MTCL1: variants seen among roughly 807,000 people sequenced by gnomAD.
MTCL1 encodes the protein microtubule crosslinking factor 1.
Under a neutral mutation model 141.4 loss-of-function variants are expected in MTCL1, and 79 were observed. The ratio of observed to expected loss-of-function variants is 0.56; its 90% confidence interval spans 0.47 to 0.67. The LOEUF (loss-of-function observed/expected upper bound fraction) is 0.67. MTCL1 is among the 30% of genes least tolerant of loss of function. MTCL1 has a pLI of 0.00. For synonymous variants in MTCL1, 914 were observed against 875.8 expected (o/e 1.04, Z -0.77); for missense variants, 2,177 against 2,113.9 (o/e 1.03, Z -0.59).
At chr18:8,731,537 G>A (rs528658676) in intron 4 of MTCL1, among the ~76,000 whole-genome samples, 90 of 152,126 alleles carry the variant, frequency 5.9e-4, no homozygotes, top group Non-Finnish European at 1.1e-3. Flanking sequence ...TCGCGTCATC[G>A]CACTCCAGCC....
intron 10 of MTCL1, among the ~76,000 whole-genome samples, chr18:8,806,686 G>A (rs1282237789): frequency 2.6e-5 from 4 of 152,128 alleles, no homozygotes; most frequent in African/African-American, 9.7e-5. Context: ...CAGGCCCTCA[G>A]TCTCAGGCCC....
intron 16 of MTCL1, chr18:8,829,114 G>T: frequency 7.2e-7 from 1 of 1,382,046 alleles, no homozygotes. Flanking sequence ...CCTAAACCCA[G>T]GAACAGATTG....
At chr18:8,757,330 A>G (rs1326911016) in intron 4 of MTCL1, among the ~76,000 whole-genome samples, 1 of 152,200 alleles carries the variant, frequency 6.6e-6, no homozygotes, top group Non-Finnish European at 1.5e-5. Context: ...CTGGAAACAT[A>G]GGAAACCTCT....
chr18:8,766,269 A>G (rs917869627), intron 4 of MTCL1, among the ~76,000 whole-genome samples: 4 of 152,164 alleles, frequency 2.6e-5, no homozygotes, highest in Non-Finnish European at 5.9e-5. Flanking sequence ...GGCCTCCTCC[A>G]TCATCCTCCA....
intron 15 of MTCL1, among the ~76,000 whole-genome samples, chr18:8,827,205 G>C (rs2077055061): frequency 1.3e-5 from 2 of 152,256 alleles, no homozygotes; most frequent in African/African-American, 4.8e-5. Context: ...GCTTGCTCCT[G>C]GTCTGCCCGC....
chr18:8,832,531 G>GT (rs570595549), exon 17 of MTCL1: 2 of 152,418 alleles, frequency 1.3e-5, no homozygotes, highest in Non-Finnish European at 2.9e-5. Flanking sequence ...CTGTTCCACT[G>GT]TAATATGTTG....
chr18:8,722,680 G>A (rs1406992469), intron 4 of MTCL1, among the ~76,000 whole-genome samples: 1 of 152,178 alleles, frequency 6.6e-6, no homozygotes, highest in Non-Finnish European at 1.5e-5. Context: ...AGATGGAGGA[G>A]GAAGAGGAGG....
intron 6 of MTCL1, 44 bp from the exon 6 acceptor site, chr18:8,785,892 T>C (rs748922181): frequency 6.5e-7 from 1 of 1,527,662 alleles, no homozygotes. Flanking sequence ...TTGTTTAAAA[T>C]TTTAAAGAAC....
At chr18:8,786,114 C>A (rs1252164186) in intron 7 of MTCL1, 23 bp downstream of exon 6, 86 of 1,387,332 alleles carry the variant, frequency 6.2e-5, no homozygotes, top group South Asian at 3.4e-4. Context: ...AAGCAATCCC[C>A]CCCCCCCGCC....
intron 5 of MTCL1, among the ~76,000 whole-genome samples, chr18:8,781,154 C>T (rs1254389581): frequency 8.7e-6 from 1 of 114,394 alleles, no homozygotes; most frequent in Non-Finnish European, 1.6e-5. Flanking sequence ...AGCCAGAGTG[C>T]AGACTCCAGA....
rs996969939 is a variant in MTCL1 at position 8,830,528 on chromosome 18, G to A, written c.*19-1079G>A. The A allele has an allele frequency of 1.5e-5, 15 of 986,180 alleles. No individual in the cohort carries two copies. The highest frequency in any genetic ancestry group is 1.2e-4 in the Admixed American group (2 of 16,268). 61.1% of individuals were successfully genotyped at this position (986,180 alleles called of 1,614,324 possible). On this transcript the variant is annotated intron_variant, in intron 16 of 16. Transcript: ENST00000359865. This position sits in a 1 kb window ranked among gnomAD's most constrained non-coding sequence, Gnocchi z 6.4. The stretch of plus-strand genomic sequence containing the variant: ...CCGTGCAGCCGTCTGTCCTTCCCCC[G>A]CTGCTGCTCCCCTGCACCACTGGCT...
chr18:8,769,439 A>G (rs1480974700), intron 4 of MTCL1, among the ~76,000 whole-genome samples: 1 of 152,170 alleles, frequency 6.6e-6, no homozygotes, highest in Non-Finnish European at 1.5e-5. Context: ...TTTATTTTGC[A>G]ATGTTTGGTT....
intron 1 of MTCL1, among the ~76,000 whole-genome samples, chr18:8,708,585 A>G (rs912170177): frequency 7.2e-5 from 11 of 152,186 alleles, no homozygotes; most frequent in South Asian, 2.1e-4. Context: ...TGCCCATTTT[A>G]CTGCACCGGG....
At chr18:8,785,456 G>A (rs956467102) in intron 6 of MTCL1, among the ~76,000 whole-genome samples, 3 of 152,194 alleles carry the variant, frequency 2.0e-5, no homozygotes, top group Admixed American at 1.3e-4. Flanking sequence ...CCGCTGGGGA[G>A]GGCGCGGAGG....
intron 13 of MTCL1, among the ~76,000 whole-genome samples, chr18:8,819,545 A>T (rs1160301601): frequency 6.6e-6 from 1 of 152,226 alleles, no homozygotes; most frequent in Non-Finnish European, 1.5e-5. Flanking sequence ...TGTGTCCCAT[A>T]AAACACACAA....
rs1054270301 is a variant in MTCL1 at position 8,819,030 on chromosome 18, G to T, written c.2927G>T (p.Arg976Leu). ...TGTGATCAAAAAGACGGCAACGTTC[G>T]CCCCTTTCCCCACCAGGGAAGCCTC... The change falls in exon 13 of 17, where the codon CGC becomes CTC. Residue 976 changes from arginine (R) to leucine (L), a missense_variant. Arg to Leu is a moderately radical substitution (Grantham distance 102, BLOSUM62 -2). Coordinates refer to ENST00000359865, the Ensembl canonical transcript of MTCL1. 2.5e-6 allele frequency: 4 copies of T among 1,614,244 alleles called. No individual in the cohort carries two copies. In the Admixed American group the frequency reaches 5.0e-5, roughly 20 times the overall value.
intron 1 of MTCL1, among the ~76,000 whole-genome samples, chr18:8,708,985 A>G (rs1227902568): frequency 6.6e-6 from 1 of 152,188 alleles, no homozygotes; most frequent in Non-Finnish European, 1.5e-5. Context: ...CTTAAATGAC[A>G]ATAGTTCAAT....
Position 8,751,989 on chromosome 18 carries a change from T to G in MTCL1, c.358-25844T>G, listed in dbSNP as rs573713469. Among the ~76,000 whole-genome samples, 109 of 152,312 alleles carry G rather than the reference T, an allele frequency of 7.2e-4. 1 individual carries two copies. Among genetic ancestry groups the G allele is most frequent in the African/African-American group, 2.6e-3 (109 of 41,586 alleles). On this transcript the variant is annotated intron_variant, in intron 4 of 16. Coordinates refer to ENST00000359865, the Ensembl canonical transcript of MTCL1. ...GAATTTTAGCATGTTTGGACATAGC[T>G]GGTGTGTGTTCTGTCAAAAGAAGGC...
intron 4 of MTCL1, among the ~76,000 whole-genome samples, chr18:8,773,156 A>G (rs908207079): frequency 6.6e-6 from 1 of 152,128 alleles, no homozygotes; most frequent in African/African-American, 2.4e-5. Flanking sequence ...ATCTTGGTGC[A>G]TGTCTCTTGT....
Sources: allele counts gnomAD v4.1 joint callset (sites outside exome capture counted in the v4.1 genomes callset), GRCh38; gene constraint gnomAD v4.1.1; non-coding constraint Gnocchi (gnomAD v3.1); transcripts MANE v1.5; gene names NCBI Gene and HGNC (gene_info 2026-07-23, HGNC 2026-07-21).